The following DNAH1 variants were observed in gnomAD, a reference collection of about 807,000 sequenced individuals.
DNAH1 encodes the protein dynein axonemal heavy chain 1, also known as axonemal beta dynein heavy chain 1.
In DNAH1, 327 loss-of-function variants were observed where a neutral mutation model predicts 484.3. The observed-to-expected ratio is 0.68, with a 90% CI of 0.62 to 0.74. The LOEUF (loss-of-function observed/expected upper bound fraction) is 0.74. Ranked by LOEUF, DNAH1 falls within the 30% of genes least tolerant of loss-of-function variation. The pLI, the probability that DNAH1 is intolerant of heterozygous loss-of-function variation, is 0.00. For missense variants in DNAH1, 5,052 were observed against 5,546.8 expected, an observed-to-expected ratio of 0.91 and a Z score of 2.83; for synonymous variants, 2,192 against 2,191.9, an observed-to-expected ratio of 1.00 and a Z score of 0.00.
rs778045529 is a variant in DNAH1, at chr3:52,366,804, G to A, written c.5682G>A (p.Glu1894=). The A allele has an allele frequency of 2.0e-5, 32 of 1,613,840 alleles. No individual in the cohort carries two copies. The South Asian group carries it at 3.0e-4, about 15-fold the overall frequency. Residue 1894 remains glutamate (E), a synonymous_variant, in exon 36 of 78, where the codon GAG becomes GAA. Coordinates refer to ENST00000420323, the MANE Select transcript of DNAH1 (RefSeq NM_015512.5). ...GQPSISGGMY[E]AVNYYVLNPK... ...CATCCATCAGTGGTGGCATGTACGA[G>A]GCTGTCAACTACTACGTGCTCAACC...
At chr3:52,348,817 C>T in intron 12 of DNAH1, 71 bp from the exon 13 acceptor site, 3 of 1,539,736 alleles carry the variant, frequency 1.9e-6, no homozygotes, top group Non-Finnish European at 1.8e-6. Context: ...GGGAGGACTC[C>T]CCATCTCCCC....
intron 17 of DNAH1, 141 bp from the exon 18 acceptor site, chr3:52,352,411 C>G (rs1201062135): frequency 3.3e-6 from 4 of 1,206,362 alleles, no homozygotes; most frequent in Non-Finnish European, 4.5e-6. Flanking sequence ...TGTGAGGAAC[C>G]TGCTCACTCC....
intron 44 of DNAH1, chr3:52,374,312 C>G (rs776305330): frequency 6.5e-7 from 1 of 1,536,168 alleles, no homozygotes; most frequent in South Asian, 1.1e-5. Context: ...GAAGGTGTTA[C>G]TACCTTTGCA....
chr3:52,383,399 C>G lies in DNAH1; in HGVS notation c.7955C>G (p.Ser2652Cys), dbSNP rs1191544813. ...ACCCCTCCCCAGATCAAGAACGAAT[C>G]CTTCCTGGAAGATATCAACAACGTC... Reference protein sequence around the residue: ...LFSDTQIKNESFLEDINNVLN... With the variant: ...LFSDTQIKNECFLEDINNVLN... The change falls in exon 51 of 78, where the codon TCC becomes TGC. Residue 2652 changes from serine (S) to cysteine (C), a missense_variant. Physicochemically the swap from Ser to Cys is moderately radical, Grantham distance 112. Coordinates refer to ENST00000420323, the MANE Select transcript of DNAH1 (RefSeq NM_015512.5). 2 of 1,613,832 alleles carry G rather than the reference C, an allele frequency of 1.2e-6. No individual in the cohort carries two copies. Among genetic ancestry groups the G allele is most frequent in the South Asian group, 1.1e-5 (1 of 91,008 alleles).
chr3:52,383,638 G>A (rs757291042), intron 51 of DNAH1, 44 bp downstream of exon 51: 5 of 1,513,064 alleles, frequency 3.3e-6, no homozygotes, highest in Non-Finnish European at 1.8e-6. Flanking sequence ...AGCGGAGCTG[G>A]GTGTGTACAT....
Position 52,354,951 on chromosome 3 carries a change from C to T in DNAH1, c.3589C>T (p.Leu1197=). The change falls in exon 21 of 78, where the codon CTG becomes TTG. Residue 1197 remains leucine (L), a synonymous_variant. Coordinates refer to ENST00000420323, the MANE Select transcript of DNAH1 (RefSeq NM_015512.5). ...LKSPDEASQL[L]DDHIVMTQNM... ...GAGCCCGGACGAGGCCTCACAGCTGCTGGACGACCACATCGTCATGACCCA... is the reference window on the plus strand; with the variant it reads ...GAGCCCGGACGAGGCCTCACAGCTGTTGGACGACCACATCGTCATGACCCA... 1 of 1,614,036 alleles carries T rather than the reference C, an allele frequency of 6.2e-7. No individual in the cohort carries two copies. Among genetic ancestry groups the T allele is most frequent in the Middle Eastern group, 1.6e-4 (1 of 6,062 alleles).
At chr3:52,382,681 C>T (rs1480994627) in intron 50 of DNAH1, among the ~76,000 whole-genome samples, 3 of 152,190 alleles carry the variant, frequency 2.0e-5, no homozygotes, top group East Asian at 1.9e-4. Flanking sequence ...ACTCATGCCC[C>T]GAAGGTAAAG....
At position 52,354,835 on chromosome 3, in the gene DNAH1, G is replaced by A. The variant is rs1369891681; in HGVS notation, c.3481-8G>A. On this transcript the variant is annotated splice_polypyrimidine_tract_variant and splice_region_variant and intron_variant, in intron 20 of 77. Coordinates refer to ENST00000420323, the MANE Select transcript of DNAH1 (RefSeq NM_015512.5). ...CCAGGACTCAGCCTGGCTTGTCCCC[G>A]ACCCCAGGCACTGGACAAGATGGAG... is the stretch of plus-strand genomic sequence containing the variant. 1.9e-6 allele frequency: 3 copies of A among 1,612,590 alleles called. No homozygotes were observed. Among genetic ancestry groups the A allele is most frequent in the Admixed American group, 3.3e-5 (2 of 59,978 alleles).
chr3:52,396,623 G>T lies in DNAH1; in HGVS notation c.11436G>T (p.Met3812Ile), dbSNP rs528400726. The change falls in exon 72 of 78, where the codon ATG becomes ATT. Residue 3812 changes from methionine to isoleucine, a missense_variant. Transcript: ENST00000420323. ...EDFLNSCHKV[M>I]EFKSLLLSLC... ...CTGCCTCCCACCTCCCCCAGGTGAT[G>T]GAGTTCAAGTCTCTGCTGCTGTCTC... 2.2e-5 allele frequency: 36 copies of T among 1,612,162 alleles called. No individual in the cohort carries two copies. The African/African-American group carries it at 4.1e-4, about 19-fold the overall frequency.
intron 25 of DNAH1, 65 bp from the exon 26 acceptor site, chr3:52,359,181 G>A (rs1702745565): frequency 6.5e-7 from 1 of 1,532,714 alleles, no homozygotes. Context: ...GCATTCAGAG[G>A]AAGAAGAAAG....
chr3:52,388,148 C>T lies in DNAH1; in HGVS notation c.9004-19C>T, dbSNP rs373034205. 1.2e-6 allele frequency: 2 copies of T among 1,601,536 alleles called. No individual in the cohort carries two copies. Among genetic ancestry groups the T allele is most frequent in the Middle Eastern group, 1.6e-4 (1 of 6,070 alleles). On this transcript the variant is annotated intron_variant, in intron 56 of 77. Transcript: ENST00000420323. ...ACCCTTGAGAAGCAGCCTCTTGAGACCCAGGCTTCCCACCTCAGGACAACA... is the reference window on the plus strand; with the variant it reads ...ACCCTTGAGAAGCAGCCTCTTGAGATCCAGGCTTCCCACCTCAGGACAACA...
Position 52,350,527 on chromosome 3 carries a change from T to C in DNAH1, c.2666T>C (p.Met889Thr). 2.5e-6 allele frequency: 4 copies of C among 1,613,948 alleles called. No individual in the cohort carries two copies. Among genetic ancestry groups the C allele is most frequent in the Non-Finnish European group, 3.4e-6 (4 of 1,179,844 alleles). ...GTGCAGGAGCGGATTGTGAAGGTCA[T>C]GGATGACTACCAGGTCATGGATGAA... The part of the protein sequence containing the change: ...VGLEERIVKV[M>T]DDYQVMDEFL... Residue 889 changes from methionine (M) to threonine (T), a missense_variant, in exon 16 of 78, where the codon ATG becomes ACG. Around this residue, in one of 4 missense-constraint regions of DNAH1, gnomAD observed 1,263 missense variants for 1,218.8 expected, o/e 1.04. Transcript: ENST00000420323.
At position 52,355,173 on chromosome 3, in the gene DNAH1, C is replaced by A; in HGVS notation, c.3693+118C>A. The stretch of plus-strand genomic sequence containing the variant: ...AGCATCGCAGTGCCTTGCCCTCATT[C>A]ACACAGCCCCTGGCTCTCTGGCAGG... On this transcript the variant is annotated intron_variant, in intron 21 of 77. Coordinates refer to ENST00000420323, the MANE Select transcript of DNAH1 (RefSeq NM_015512.5). The surrounding 1 kb of genome is among the most constrained non-coding windows in gnomAD (Gnocchi z 4.5). 3.0e-6 allele frequency: 3 copies of A among 1,008,730 alleles called. No homozygotes were observed. Among genetic ancestry groups the A allele is most frequent in the Admixed American group, 2.0e-5 (1 of 49,718 alleles). The allele number at this position is 1,008,730 out of a possible 1,614,324, so 62.5% of individuals were successfully genotyped here.
intron 51 of DNAH1, 37 bp downstream of exon 51, chr3:52,383,631 G>A (rs777635989): frequency 2.2e-5 from 34 of 1,517,732 alleles, no homozygotes; most frequent in East Asian, 1.2e-4. Flanking sequence ...CTGGGGCAGC[G>A]GAGCTGGGTG....
At chr3:52,374,300 T>C in intron 44 of DNAH1, 2 of 1,534,418 alleles carry the variant, frequency 1.3e-6, no homozygotes, top group South Asian at 1.1e-5. Context: ...GATTTTCTTA[T>C]TGAAGGTGTT....
Position 52,386,817 on chromosome 3 carries a change from G to A in DNAH1, c.8967G>A (p.Pro2989=), listed in dbSNP as rs754243654. ...WEPGKGLLQD[P]GHFLESLFKF... ...CTGGCAAGGGGCTGCTGCAGGACCCGGGCCACTTCCTTGAGAGCCTCTTCA... is the reference window on the plus strand; with the variant it reads ...CTGGCAAGGGGCTGCTGCAGGACCCAGGCCACTTCCTTGAGAGCCTCTTCA... The change falls in exon 56 of 78, where the codon CCG becomes CCA. Residue 2989 remains proline, a synonymous_variant. Coordinates refer to ENST00000420323, the MANE Select transcript of DNAH1 (RefSeq NM_015512.5). 95 of 1,586,688 alleles carry A rather than the reference G, an allele frequency of 6.0e-5. 1 individual carries two copies. The highest frequency in any genetic ancestry group is 5.0e-4 in the Admixed American group (28 of 55,672).
At chr3:52,382,537 G>T in intron 50 of DNAH1, 82 bp downstream of exon 50, 1 of 1,570,042 alleles carries the variant, frequency 6.4e-7, no homozygotes, top group South Asian at 1.2e-5. Context: ...AAGGTGGCCA[G>T]TCCTTCATGC....
chr3:52,352,772 C>T (rs754684009), intron 18 of DNAH1, 65 bp downstream of exon 18: 1 of 1,544,258 alleles, frequency 6.5e-7, no homozygotes, highest in Non-Finnish European at 8.8e-7. Context: ...CATGTAGATG[C>T]AGCTGCCAGG....
rs1702212707 is a variant in DNAH1, at chr3:52,347,919, T to C, written c.2051T>C (p.Leu684Pro). 6.2e-7 allele frequency: 1 copy of C among 1,610,616 alleles called. No homozygotes were observed. Among genetic ancestry groups the C allele is most frequent in the Admixed American group, 1.7e-5 (1 of 59,570 alleles). The change falls in exon 12 of 78, where the codon CTG becomes CCG. Residue 684 changes from leucine to proline, a missense_variant. By Grantham distance (98) the Leu-to-Pro change is moderately conservative. Coordinates refer to ENST00000420323, the MANE Select transcript of DNAH1 (RefSeq NM_015512.5). Reference sequence around the variant, plus strand: ...CTGGAGCAGTTTGAGGCATCTCTGCTGAACCTCTTCGACAAGGGCATCCTG... The same window carrying C: ...CTGGAGCAGTTTGAGGCATCTCTGCCGAACCTCTTCGACAAGGGCATCCTG... ...TPLEQFEASLLNLFDKGILAT... is the reference protein window; with the variant it reads ...TPLEQFEASLPNLFDKGILAT...
Sources: allele counts gnomAD v4.1 joint callset (sites outside exome capture counted in the v4.1 genomes callset), GRCh38; gene constraint gnomAD v4.1.1; regional missense constraint gnomAD v4.1.1; non-coding constraint Gnocchi (gnomAD v3.1); transcripts MANE v1.5; gene names NCBI Gene and HGNC (gene_info 2026-07-23, HGNC 2026-07-21).